The following PIK3C2G variants were observed in gnomAD, a reference collection of about 807,000 sequenced individuals.
The protein encoded by PIK3C2G is phosphatidylinositol 3-kinase C2 domain-containing subunit gamma.
PIK3C2G carries 168 observed loss-of-function variants against 181.1 expected under a neutral mutation model. That is an observed-to-expected ratio of 0.93 (90% CI 0.82 to 1.05). PIK3C2G has a LOEUF of 1.05. Among genes scored for constraint, PIK3C2G ranks in the 50% least tolerant of loss-of-function variants. The pLI is 0.00. For missense variants in PIK3C2G, 1,869 were observed against 1,732.8 expected (o/e 1.08, Z -1.40); for synonymous variants, 573 against 592.2 (o/e 0.97, Z 0.47).
chr12:18,306,088 T>G (rs1002518726), intron 5 of PIK3C2G, among the ~76,000 whole-genome samples: 1 of 152,082 alleles, frequency 6.6e-6, no homozygotes, highest in Non-Finnish European at 1.5e-5. Flanking sequence ...CTTTGCAGAA[T>G]GTTCCATTTT....
chr12:18,705,783 T>C, the PIK3C2G span, among the ~76,000 whole-genome samples: 1 of 151,922 alleles, frequency 6.6e-6, no homozygotes, highest in Admixed American at 6.6e-5. Flanking sequence ...GGAGAATCAC[T>C]TGAACCCGGG....
intron 18 of PIK3C2G, among the ~76,000 whole-genome samples, chr12:18,453,304 G>A (rs1947464474): frequency 6.6e-6 from 1 of 152,110 alleles, no homozygotes; most frequent in African/African-American, 2.4e-5. Context: ...TTACCATTAT[G>A]TAATGCTCTT....
intron 29 of PIK3C2G, among the ~76,000 whole-genome samples, chr12:18,580,364 T>G (rs952534099): frequency 2.6e-5 from 4 of 152,204 alleles, no homozygotes; most frequent in Non-Finnish European, 4.4e-5. Flanking sequence ...TACTTAAGGT[T>G]TAAGCAGTGT....
In PIK3C2G at chr12:18,585,516, G is replaced by A. The variant is rs112122032; in HGVS notation, c.4012-8978G>A. The stretch of plus-strand genomic sequence containing the variant: ...AGACTTAACTATCCTAAACATATAT[G>A]CAGCCAACACAGGAACACCCAGATT... On this transcript the variant is annotated intron_variant, in intron 29 of 32. Transcript: ENST00000538779. Among the ~76,000 whole-genome samples the A allele has an allele frequency of 2.1e-3, 323 of 152,142 alleles. 1 individual carries two copies. Among genetic ancestry groups the A allele is most frequent in the African/African-American group, 7.5e-3 (311 of 41,532 alleles).
intron 26 of PIK3C2G, among the ~76,000 whole-genome samples, chr12:18,553,193 T>C (rs1944824018): frequency 6.6e-6 from 1 of 152,204 alleles, no homozygotes; most frequent in Non-Finnish European, 1.5e-5. Context: ...TTTCACATTT[T>C]AAAGATTTTT....
the PIK3C2G span, chr12:18,694,094 C>T: frequency 9.2e-7 from 1 of 1,084,182 alleles, no homozygotes; most frequent in Middle Eastern, 3.0e-4. Context: ...GGGGCTGTAT[C>T]TCTAGTGAAC....
chr12:18,546,018 C>G (rs1262853870), intron 25 of PIK3C2G, among the ~76,000 whole-genome samples: 1 of 151,878 alleles, frequency 6.6e-6, no homozygotes. Context: ...CACAAATTCT[C>G]ACATGGGGAT....
intron 11 of PIK3C2G, chr12:18,358,399 G>A (rs1940941312): frequency 5.9e-6 from 1 of 169,078 alleles, no homozygotes; most frequent in African/African-American, 2.4e-5. Context: ...CATCACATTG[G>A]ATCGGGCACC....
At chr12:18,617,516 A>G (rs1398456754) in intron 31 of PIK3C2G, among the ~76,000 whole-genome samples, 1 of 152,194 alleles carries the variant, frequency 6.6e-6, no homozygotes, top group Non-Finnish European at 1.5e-5. Context: ...GCAAGTTTAA[A>G]TATTTTTCCA....
At chr12:18,683,145 TTTTC>T in the PIK3C2G span, 1 of 1,065,666 alleles carries the variant, frequency 9.4e-7, no homozygotes, top group Admixed American at 2.0e-5. Context: ...GAGTAATTAT[TTTTC>T]TTTATGTTTA....
chr12:18,367,407 T>G (rs1941715716), intron 12 of PIK3C2G, among the ~76,000 whole-genome samples: 1 of 152,202 alleles, frequency 6.6e-6, no homozygotes, highest in Non-Finnish European at 1.5e-5. Context: ...ATCTAAAATT[T>G]GACAGTCTTT....
intron 16 of PIK3C2G, among the ~76,000 whole-genome samples, chr12:18,401,414 TCCTA>T (rs1045834405): frequency 2.0e-5 from 3 of 152,140 alleles, no homozygotes; most frequent in African/African-American, 7.2e-5. Flanking sequence ...CCCAACATGA[TCCTA>T]CCCCTTTTTC....
intron 16 of PIK3C2G, among the ~76,000 whole-genome samples, chr12:18,407,322 A>C (rs1254781524): frequency 6.6e-6 from 1 of 152,160 alleles, no homozygotes; most frequent in Non-Finnish European, 1.5e-5. Context: ...AATATTTTAT[A>C]ATTGAAGGAC....
downstream of PIK3C2G, among the ~76,000 whole-genome samples, chr12:18,650,249 A>G (rs757794730): frequency 3.7e-4 from 56 of 149,632 alleles, no homozygotes; most frequent in Non-Finnish European, 6.5e-4. Context: ...TGTCAAACCC[A>G]TCATTCAGTT....
chr12:18,406,811 A>C (rs1260305329), intron 16 of PIK3C2G, among the ~76,000 whole-genome samples: 2 of 152,186 alleles, frequency 1.3e-5, no homozygotes, highest in Non-Finnish European at 2.9e-5. Flanking sequence ...GTGGATACAG[A>C]AGAGAAAAAT....
rs368190625 is a variant in PIK3C2G, at chr12:18,594,537, A to G, written c.4055A>G (p.Gln1352Arg). Reference protein sequence around the residue: ...LSFFLSEAVQQTVEESSPVYL... With the variant: ...LSFFLSEAVQRTVEESSPVYL... Reference sequence around the variant, plus strand: ...TTTTTCCTCTCTGAGGCTGTGCAACAAACAGTTGAAGAATCATCACCTGTG... The same window carrying G: ...TTTTTCCTCTCTGAGGCTGTGCAACGAACAGTTGAAGAATCATCACCTGTG... The change falls in exon 30 of 33, where the codon CAA becomes CGA. Residue 1352 changes from glutamine (Q) to arginine (R), a missense_variant. Physicochemically the swap from Gln to Arg is conservative, Grantham distance 43. Coordinates refer to ENST00000538779, the MANE Select transcript of PIK3C2G (RefSeq NM_001288772.2). The G allele has an allele frequency of 1.7e-5, 26 of 1,554,658 alleles. No individual in the cohort carries two copies. Among genetic ancestry groups the G allele is most frequent in the Non-Finnish European group, 2.2e-5 (25 of 1,156,150 alleles).
At chr12:18,664,660 T>G in the PIK3C2G span, among the ~76,000 whole-genome samples, 1 of 152,126 alleles carries the variant, frequency 6.6e-6, no homozygotes, top group South Asian at 2.1e-4. Flanking sequence ...TTATTGGGTA[T>G]ATACCCAAAG....
At chr12:18,271,218 A>G (rs1264363760) in intron 1 of PIK3C2G, among the ~76,000 whole-genome samples, 2 of 151,900 alleles carry the variant, frequency 1.3e-5, no homozygotes, top group Non-Finnish European at 2.9e-5. Context: ...CTACTGCCCC[A>G]TGTCTCTTCT....
At chr12:18,353,551 T>C (rs1439516719) in intron 11 of PIK3C2G, among the ~76,000 whole-genome samples, 2 of 152,180 alleles carry the variant, frequency 1.3e-5, no homozygotes, top group African/African-American at 4.8e-5. Context: ...CAGGTGCACC[T>C]TGAGAATTCT....
Sources: gnomAD v4.1 joint callset for allele counts (sites outside exome capture counted in the v4.1 genomes callset) on GRCh38, gnomAD v4.1.1 for gene constraint, MANE v1.5 for transcripts, NCBI Gene and HGNC (gene_info 2026-07-23, HGNC 2026-07-21) for gene names.